Variants in HS6ST3 observed in about 807,000 individuals in gnomAD.
HS6ST3 encodes heparan-sulfate 6-O-sulfotransferase 3.
In HS6ST3, 12 loss-of-function variants were observed where a neutral mutation model predicts 36.7. The observed-to-expected ratio is 0.33, with a 90% CI of 0.21 to 0.53. The LOEUF is 0.53. Among genes scored for constraint, HS6ST3 ranks in the 20% least tolerant of loss-of-function variants. The pLI, the probability that HS6ST3 is intolerant of heterozygous loss-of-function variation, is 0.95. For missense variants in HS6ST3, 584 were observed against 640.9 expected, an observed-to-expected ratio of 0.91 and a Z score of 0.96; for synonymous variants, 240 against 257.5, an observed-to-expected ratio of 0.93 and a Z score of 0.65.
chr13:96,565,030 T>C (rs1304281173), intron 1 of HS6ST3, among the ~76,000 whole-genome samples: 1 of 152,030 alleles, frequency 6.6e-6, no homozygotes, highest in African/African-American at 2.4e-5. Flanking sequence ...AACTTGCATA[T>C]GTGAGAGTGA....
Position 96,437,018 on chromosome 13 carries a change from A to G in HS6ST3, c.707+345449A>G, listed in dbSNP as rs369365829. 5.3e-5 allele frequency among the ~76,000 whole-genome samples: 8 copies of G among 152,156 alleles called. No homozygotes were observed. In the South Asian group the frequency reaches 1.5e-3, roughly 28 times the overall value. On this transcript the variant is annotated intron_variant, in intron 1 of 1. Transcript: ENST00000376705. ...CCTTCTGGCTTTCCTCACAAATTCA[A>G]TGGGGGAGCATATTTTAGGACAATG...
intron 1 of HS6ST3, among the ~76,000 whole-genome samples, chr13:96,591,424 T>C (rs2138975627): frequency 6.6e-6 from 1 of 152,224 alleles, no homozygotes; most frequent in East Asian, 1.9e-4. Context: ...TTTGGTTAAG[T>C]TAATTTCTAG....
intron 1 of HS6ST3, among the ~76,000 whole-genome samples, chr13:96,628,277 A>G (rs116288595): frequency 0.011 from 1,740 of 151,974 alleles, 40 homozygotes; most frequent in African/African-American, 0.04. Context: ...CGTTTTTCAG[A>G]AGCATGTGAG....
chr13:96,387,837 G>A (rs1408587793), intron 1 of HS6ST3, among the ~76,000 whole-genome samples: 11 of 152,112 alleles, frequency 7.2e-5, no homozygotes, highest in Non-Finnish European at 1.3e-4. Context: ...CTTACAGGGG[G>A]TTCTGTAAAT....
At chr13:96,669,856 A>C (rs935994716) in intron 1 of HS6ST3, among the ~76,000 whole-genome samples, 3 of 152,118 alleles carry the variant, frequency 2.0e-5, no homozygotes, top group African/African-American at 7.2e-5. Flanking sequence ...CTTAAGACAG[A>C]GGAGAACATG....
chr13:96,570,001 C>T (rs2056295294), intron 1 of HS6ST3, among the ~76,000 whole-genome samples: 1 of 152,166 alleles, frequency 6.6e-6, no homozygotes, highest in Admixed American at 6.5e-5. Flanking sequence ...TTTAAAACTG[C>T]ATCATTAACT....
intron 1 of HS6ST3, among the ~76,000 whole-genome samples, chr13:96,320,858 G>A (rs2054999698): frequency 6.6e-6 from 1 of 152,200 alleles, no homozygotes; most frequent in Non-Finnish European, 1.5e-5. Flanking sequence ...CTTCCTCACA[G>A]ACACTCCTGC....
chr13:96,109,044 ACT>A (rs1351663209), intron 1 of HS6ST3, among the ~76,000 whole-genome samples: 3 of 151,974 alleles, frequency 2.0e-5, no homozygotes, highest in Non-Finnish European at 4.4e-5. Context: ...TTTATGTTTA[ACT>A]CTATCATAGT....
intron 1 of HS6ST3, among the ~76,000 whole-genome samples, chr13:96,439,567 CTG>C (rs1218154883): frequency 6.6e-6 from 1 of 152,202 alleles, no homozygotes; most frequent in Non-Finnish European, 1.5e-5. Flanking sequence ...CACTTAGCAG[CTG>C]TGTGACCATG....
chr13:96,399,879 C>T (rs2055440677), intron 1 of HS6ST3, among the ~76,000 whole-genome samples: 1 of 152,234 alleles, frequency 6.6e-6, no homozygotes, highest in Non-Finnish European at 1.5e-5. Context: ...TAAGTAAAAA[C>T]TATACTCCTT....
chr13:96,458,188 A>G (rs1326138375), intron 1 of HS6ST3, among the ~76,000 whole-genome samples: 2 of 152,194 alleles, frequency 1.3e-5, no homozygotes, highest in African/African-American at 4.8e-5. Flanking sequence ...AGCATTTACT[A>G]AGTCCTATGC....
intron 1 of HS6ST3, among the ~76,000 whole-genome samples, chr13:96,332,117 T>C (rs1464863123): frequency 1.3e-5 from 2 of 152,294 alleles, no homozygotes; most frequent in East Asian, 3.9e-4. Flanking sequence ...GTACCTCAGA[T>C]GGAAATGCAG....
intron 1 of HS6ST3, among the ~76,000 whole-genome samples, chr13:96,266,710 T>A (rs1404699844): frequency 6.6e-6 from 1 of 152,162 alleles, no homozygotes; most frequent in Non-Finnish European, 1.5e-5. Context: ...ATTAAAAAAA[T>A]ACACTATAGC....
chr13:96,312,879 G>C (rs966708720), intron 1 of HS6ST3, among the ~76,000 whole-genome samples: 1 of 150,934 alleles, frequency 6.6e-6, no homozygotes, highest in Admixed American at 6.6e-5. Flanking sequence ...TTGAACTTGG[G>C]GGGCGGAGGT....
intron 1 of HS6ST3, among the ~76,000 whole-genome samples, chr13:96,739,686 A>G (rs950178731): frequency 6.6e-6 from 1 of 152,074 alleles, no homozygotes; most frequent in African/African-American, 2.4e-5. Flanking sequence ...TCTTTTGACC[A>G]TATAATTGCA....
At chr13:96,522,322 T>A (rs1047192021) in intron 1 of HS6ST3, among the ~76,000 whole-genome samples, 6 of 152,206 alleles carry the variant, frequency 3.9e-5, no homozygotes, top group African/African-American at 1.4e-4. Context: ...AGAACGTATA[T>A]TCTGTTGATT....
intron 1 of HS6ST3, among the ~76,000 whole-genome samples, chr13:96,659,907 T>C (rs2056640532): frequency 6.6e-6 from 1 of 152,136 alleles, no homozygotes. Flanking sequence ...TGTAACTTTT[T>C]AGCACTTATT....
intron 1 of HS6ST3, among the ~76,000 whole-genome samples, chr13:96,127,244 T>C (rs1351273318): frequency 6.6e-6 from 1 of 152,206 alleles, no homozygotes; most frequent in African/African-American, 2.4e-5. Flanking sequence ...ATGTCAGTGG[T>C]TCCCAACATT....
intron 1 of HS6ST3, among the ~76,000 whole-genome samples, chr13:96,688,769 C>CT (rs1424427292): frequency 6.6e-6 from 1 of 152,062 alleles, no homozygotes; most frequent in African/African-American, 2.4e-5. Context: ...AAGGACCCCA[C>CT]TTGATATCCC....
Sources: gnomAD v4.1 joint callset for allele counts (sites outside exome capture counted in the v4.1 genomes callset) on GRCh38, gnomAD v4.1.1 for gene constraint, MANE v1.5 for transcripts, NCBI Gene and HGNC (gene_info 2026-07-23, HGNC 2026-07-21) for gene names.